Variants in NR5A2 observed in about 807,000 individuals in gnomAD.
NR5A2 encodes nuclear receptor subfamily 5 group A member 2.
Under a neutral mutation model 62.7 loss-of-function variants are expected in NR5A2, and 26 were observed. The observed-to-expected ratio is 0.41, with a 90% CI of 0.30 to 0.58. The LOEUF is 0.58. Among genes scored for constraint, NR5A2 ranks in the 20% least tolerant of loss-of-function variants. The pLI, the probability that NR5A2 is intolerant of heterozygous loss-of-function variation, is 0.22. For synonymous variants in NR5A2, 246 were observed against 241.7 expected (o/e 1.02, Z -0.16); for missense variants, 541 against 669.1 (o/e 0.81, Z 2.11).
At chr1:200,141,944 G>T (rs1209596157) in intron 7 of NR5A2, among the ~76,000 whole-genome samples, 1 of 152,108 alleles carries the variant, frequency 6.6e-6, no homozygotes, top group Non-Finnish European at 1.5e-5. Flanking sequence ...CATCCAATTA[G>T]AGGGCACTGA....
intron 6 of NR5A2, among the ~76,000 whole-genome samples, chr1:200,112,907 G>T (rs1666025309): frequency 6.6e-6 from 1 of 152,208 alleles, no homozygotes; most frequent in Admixed American, 6.5e-5. Context: ...TTTCAGAAAT[G>T]AAATGGGTTT....
At chr1:200,113,993 G>C (rs188362970) in intron 6 of NR5A2, among the ~76,000 whole-genome samples, 1 of 151,844 alleles carries the variant, frequency 6.6e-6, no homozygotes, top group Admixed American at 6.6e-5. Context: ...CCAGCCTGGC[G>C]AACATGGTGA....
intron 5 of NR5A2, among the ~76,000 whole-genome samples, chr1:200,074,870 T>C (rs1663956201): frequency 6.6e-6 from 1 of 151,240 alleles, no homozygotes; most frequent in Non-Finnish European, 1.5e-5. Flanking sequence ...TAAGTAGTCA[T>C]GATAGACTGA....
chr1:200,090,229 C>T (rs1664754416), intron 5 of NR5A2, among the ~76,000 whole-genome samples: 1 of 152,170 alleles, frequency 6.6e-6, no homozygotes, highest in South Asian at 2.1e-4. Context: ...GTCAGAAATT[C>T]ATTTATGATT....
chr1:200,045,347 A>C, intron 3 of NR5A2, 96 bp from the exon 4 acceptor site: 1 of 1,103,662 alleles, frequency 9.1e-7, no homozygotes, highest in African/African-American at 1.6e-5. Flanking sequence ...CAAATAGTGC[A>C]ATGAGAGGAT....
chr1:200,030,659 T>A (rs1435742293), intron 1 of NR5A2, among the ~76,000 whole-genome samples: 1 of 152,202 alleles, frequency 6.6e-6, no homozygotes, highest in Non-Finnish European at 1.5e-5. Flanking sequence ...GTAGGAAATG[T>A]TATACATAAA....
intron 5 of NR5A2, among the ~76,000 whole-genome samples, chr1:200,109,928 C>A (rs557105223): frequency 1.3e-5 from 2 of 152,122 alleles, no homozygotes; most frequent in Non-Finnish European, 2.9e-5. Context: ...CGATGCCCAG[C>A]TAATTTTTGT....
chr1:200,146,746 CCA>C (rs1667718010), intron 7 of NR5A2, among the ~76,000 whole-genome samples: 1 of 152,082 alleles, frequency 6.6e-6, no homozygotes, highest in African/African-American at 2.4e-5. Context: ...ACAAATTACC[CCA>C]AATATTCTTA....
At chr1:200,040,051 C>T (rs887385933) in intron 2 of NR5A2, among the ~76,000 whole-genome samples, 4 of 152,172 alleles carry the variant, frequency 2.6e-5, no homozygotes, top group African/African-American at 9.7e-5. Flanking sequence ...AGCTCTATGG[C>T]AACCCAAGCA....
chr1:200,061,628 T>C (rs1462548795), intron 5 of NR5A2, among the ~76,000 whole-genome samples: 1 of 152,178 alleles, frequency 6.6e-6, no homozygotes, highest in Non-Finnish European at 1.5e-5. Context: ...TCTGTAAGAA[T>C]ACCATTTCTT....
At chr1:200,142,583 C>T (rs79054057) in intron 7 of NR5A2, among the ~76,000 whole-genome samples, 353 of 152,204 alleles carry the variant, frequency 2.3e-3, no homozygotes, top group African/African-American at 8.2e-3. Context: ...GCCTAGAATG[C>T]TATGGCATGA....
Position 200,039,576 on chromosome 1 carries a change from G to T in NR5A2, c.65-82G>T. On this transcript the variant is annotated intron_variant, in intron 1 of 7. Transcript: ENST00000367362. The surrounding 1 kb of genome is among the most constrained non-coding windows in gnomAD (Gnocchi z 5.1). ...AGGAGGCGGAGGCACGCTCCGGCGA[G>T]GCGAGAGGGTTGGGTTAGCAGGCAT... The T allele has an allele frequency of 6.3e-7, 1 of 1,584,686 alleles. No homozygotes were observed. The highest frequency in any genetic ancestry group is 1.7e-4 in the Middle Eastern group (1 of 5,878).
At chr1:200,164,824 A>G (rs1653817309) in intron 7 of NR5A2, among the ~76,000 whole-genome samples, 1 of 149,962 alleles carries the variant, frequency 6.7e-6, no homozygotes, top group Non-Finnish European at 1.5e-5. Context: ...CTAGGATTAC[A>G]GGCATGAGTC....
chr1:200,166,872 CAT>C (rs1427896214), intron 7 of NR5A2, among the ~76,000 whole-genome samples: 3 of 152,164 alleles, frequency 2.0e-5, no homozygotes, highest in East Asian at 1.9e-4. Context: ...AATGAGAAAA[CAT>C]ATGTTAAAGA....
chr1:200,034,737 C>T (rs1332151382), intron 1 of NR5A2, among the ~76,000 whole-genome samples: 1 of 136,732 alleles, frequency 7.3e-6, no homozygotes, highest in African/African-American at 2.7e-5. Flanking sequence ...GCTCTAGGGG[C>T]TGATGTTGAT....
Position 200,048,775 on chromosome 1 carries a change from T to C in NR5A2, c.1067T>C (p.Ile356Thr), listed in dbSNP as rs1196579669. ...ATGGCAGATCAAACTCTCTTCTCCA[T>C]TGTCGAGTGGGCCAGGAGTAGTATC... ...CKMADQTLFS[I>T]VEWARSSIFF... Residue 356 changes from isoleucine (I) to threonine (T), a missense_variant, in exon 5 of 8, where the codon ATT becomes ACT. Ile to Thr is a moderately conservative substitution (Grantham distance 89, BLOSUM62 -1). This residue lies in a region of NR5A2 where 379 missense variants were observed against 442.0 expected (regional missense o/e 0.86). Coordinates refer to ENST00000367362, the MANE Select transcript of NR5A2 (RefSeq NM_205860.3). This position sits in a 1 kb window ranked among gnomAD's most constrained non-coding sequence, Gnocchi z 4.8. 1.9e-6 allele frequency: 3 copies of C among 1,614,212 alleles called. No individual in the cohort carries two copies. The highest frequency in any genetic ancestry group is 1.3e-5 in the African/African-American group (1 of 75,056).
At chr1:200,088,484 C>T (rs538119687) in intron 5 of NR5A2, among the ~76,000 whole-genome samples, 23 of 151,024 alleles carry the variant, frequency 1.5e-4, no homozygotes, top group Non-Finnish European at 3.0e-4. Flanking sequence ...CTTGAACTCC[C>T]GACCTCAGGT....
intron 5 of NR5A2, among the ~76,000 whole-genome samples, chr1:200,051,352 C>T (rs1367343726): frequency 6.6e-6 from 1 of 152,114 alleles, no homozygotes; most frequent in African/African-American, 2.4e-5. Context: ...AAACTTTTTC[C>T]ACTATTCCTC....
intron 5 of NR5A2, among the ~76,000 whole-genome samples, chr1:200,060,965 C>T (rs1319885176): frequency 9.9e-6 from 1 of 101,200 alleles, no homozygotes; most frequent in Non-Finnish European, 2.0e-5. Flanking sequence ...AAAAAAAATA[C>T]AAAAATTAGC....
Sources: gnomAD v4.1 joint callset for allele counts (sites outside exome capture counted in the v4.1 genomes callset) on GRCh38, gnomAD v4.1.1 for gene constraint, gnomAD v4.1.1 regional missense constraint, Gnocchi (gnomAD v3.1) non-coding constraint, MANE v1.5 for transcripts, NCBI Gene and HGNC (gene_info 2026-07-23, HGNC 2026-07-21) for gene names.